The following IL26 variants were observed in gnomAD, a reference collection of about 807,000 sequenced individuals.
IL26 encodes interleukin-26.
A neutral mutation model predicts 21.7 loss-of-function variants in IL26; 23 were observed. The observed-to-expected ratio is 1.06, with a 90% confidence interval of 0.76 to 1.50. The LOEUF is 1.50. Among genes scored for constraint, IL26 ranks in the 40% most tolerant of loss-of-function variants. The pLI, the probability that IL26 is intolerant of heterozygous loss-of-function variation, is 0.00. For missense variants in IL26, 204 were observed against 196.0 expected, an observed-to-expected ratio of 1.04 and a Z score of -0.24; for synonymous variants, 63 against 67.8, an observed-to-expected ratio of 0.93 and a Z score of 0.34.
intron 3 of IL26, 75 bp downstream of exon 3, chr12:68,225,074 G>C (rs1869198710): frequency 1.0e-5 from 15 of 1,459,538 alleles, no homozygotes; most frequent in Non-Finnish European, 1.4e-5. Flanking sequence ...CCTTTGGTGT[G>C]AGACAGATTC....
intron 3 of IL26, among the ~76,000 whole-genome samples, chr12:68,212,975 T>C (rs1303668064): frequency 6.6e-6 from 1 of 152,120 alleles, no homozygotes; most frequent in Non-Finnish European, 1.5e-5. Context: ...TTCCAGATGA[T>C]AGAGGAGAGG....
Position 68,206,334 on chromosome 12 carries a change from G to A in IL26, c.364-4251C>T, listed in dbSNP as rs58526324. Among the ~76,000 whole-genome samples, 677 of 152,140 alleles carry A rather than the reference G, an allele frequency of 4.4e-3. 5 individuals carry two copies. The highest frequency in any genetic ancestry group is 0.015 in the African/African-American group (614 of 41,490). Reference sequence around the variant, plus strand: ...GCCTAAAAGGTCTTTATGACCCCTTGATCTAGAGGCTGAATTAGAGATGTT... The same window carrying A: ...GCCTAAAAGGTCTTTATGACCCCTTAATCTAGAGGCTGAATTAGAGATGTT... On this transcript the variant is annotated intron_variant, in intron 3 of 4. Transcript: ENST00000229134.
At chr12:68,203,617 G>T (rs1868448632) in intron 3 of IL26, among the ~76,000 whole-genome samples, 1 of 152,190 alleles carries the variant, frequency 6.6e-6, no homozygotes. Context: ...TATCAATAAA[G>T]ATAACACTTA....
intron 3 of IL26, among the ~76,000 whole-genome samples, chr12:68,222,126 A>T (rs1299921960): frequency 6.6e-6 from 1 of 152,238 alleles, no homozygotes; most frequent in East Asian, 1.9e-4. Context: ...GAAATAAAAC[A>T]GGTACACTGA....
chr12:68,203,397 T>C (rs926993971), intron 3 of IL26, among the ~76,000 whole-genome samples: 1 of 152,210 alleles, frequency 6.6e-6, no homozygotes, highest in African/African-American at 2.4e-5. Flanking sequence ...ACCAAGGAGA[T>C]TGAATAAGCC....
intron 3 of IL26, among the ~76,000 whole-genome samples, chr12:68,219,910 A>G (rs1020107652): frequency 6.6e-5 from 10 of 152,090 alleles, no homozygotes; most frequent in Non-Finnish European, 1.3e-4. Context: ...CAGATATTAA[A>G]AGCATATTAA....
At chr12:68,204,333 T>C (rs1868473672) in intron 3 of IL26, among the ~76,000 whole-genome samples, 1 of 151,762 alleles carries the variant, frequency 6.6e-6, no homozygotes. Context: ...TTAGTAGAGA[T>C]GGGGTTTCAC....
intron 3 of IL26, among the ~76,000 whole-genome samples, chr12:68,203,462 A>C (rs763962245): frequency 1.2e-4 from 19 of 152,198 alleles, no homozygotes; most frequent in Non-Finnish European, 2.9e-5. Context: ...TAAGTCACTC[A>C]CCTAACATCC....
In IL26 at chr12:68,212,918, C is replaced by T. The variant is rs144887727; in HGVS notation, c.364-10835G>A. Among the ~76,000 whole-genome samples, 92 of 152,172 alleles carry T rather than the reference C, an allele frequency of 6.0e-4. No homozygotes were observed. The East Asian group carries it at 0.017, about 28-fold the overall frequency. On this transcript the variant is annotated intron_variant, in intron 3 of 4. Coordinates refer to ENST00000229134, the MANE Select transcript of IL26 (RefSeq NM_018402.2). ...GATTATTTGCTGTGACTAGGACTTTCAGTATTATGTTGAATAAAAGTGGTG... is the reference window on the plus strand; with the variant it reads ...GATTATTTGCTGTGACTAGGACTTTTAGTATTATGTTGAATAAAAGTGGTG...
At chr12:68,223,776 G>A (rs1010737872) in intron 3 of IL26, among the ~76,000 whole-genome samples, 1 of 150,492 alleles carries the variant, frequency 6.6e-6, no homozygotes, top group African/African-American at 2.4e-5. Context: ...TATCAGTGTT[G>A]TAATTTTAAT....
In IL26 at chr12:68,201,581, T is replaced by A; in HGVS notation, c.*264A>T. The A allele has an allele frequency of 3.1e-6, 1 of 318,024 alleles. No homozygotes were observed. Among genetic ancestry groups the A allele is most frequent in the Non-Finnish European group, 5.8e-6 (1 of 173,688 alleles). 19.7% of individuals were successfully genotyped at this position (318,024 alleles called of 1,614,324 possible). On this transcript the variant is annotated 3_prime_UTR_variant, in exon 5 of 5. Coordinates refer to ENST00000229134, the MANE Select transcript of IL26 (RefSeq NM_018402.2). ...GTTAATTCAGGTTACATACTTTAAA[T>A]TAAGTTGACACAATGTACTTGTGAA...
intron 3 of IL26, among the ~76,000 whole-genome samples, chr12:68,211,421 C>T (rs1250091696): frequency 6.6e-6 from 1 of 152,124 alleles, no homozygotes; most frequent in Non-Finnish European, 1.5e-5. Flanking sequence ...GGATATATAT[C>T]CAGTAGTGAG....
In IL26 at chr12:68,223,219, A is replaced by T. The variant is rs375784074; in HGVS notation, c.363+1930T>A. Among the ~76,000 whole-genome samples the T allele has an allele frequency of 4.6e-5, 7 of 152,226 alleles. No individual in the cohort carries two copies. In the South Asian group the frequency reaches 1.4e-3, roughly 32 times the overall value. Reference sequence around the variant, plus strand: ...AGCTTGTAAGACAACTGATGCTCACACTGATAGGCTTGAGGTGGGAGCAGG... The same window carrying T: ...AGCTTGTAAGACAACTGATGCTCACTCTGATAGGCTTGAGGTGGGAGCAGG... On this transcript the variant is annotated intron_variant, in intron 3 of 4. Coordinates refer to ENST00000229134, the MANE Select transcript of IL26 (RefSeq NM_018402.2).
At chr12:68,217,752 C>G (rs1177388067) in intron 3 of IL26, among the ~76,000 whole-genome samples, 1 of 152,064 alleles carries the variant, frequency 6.6e-6, no homozygotes, top group East Asian at 1.9e-4. Flanking sequence ...GCTAAAACAT[C>G]AAGCTAAATC....
intron 3 of IL26, among the ~76,000 whole-genome samples, chr12:68,218,358 G>A (rs1226662728): frequency 6.6e-6 from 1 of 152,062 alleles, no homozygotes; most frequent in Non-Finnish European, 1.5e-5. Flanking sequence ...GAGAAAGACT[G>A]ATCATGTTCA....
intron 3 of IL26, among the ~76,000 whole-genome samples, chr12:68,218,413 G>A (rs1846334113): frequency 6.6e-6 from 1 of 152,038 alleles, no homozygotes; most frequent in Non-Finnish European, 1.5e-5. Flanking sequence ...CAAACTTCTA[G>A]AGATAAAAAC....
chr12:68,206,271 T>C (rs905678783), intron 3 of IL26, among the ~76,000 whole-genome samples: 2 of 152,218 alleles, frequency 1.3e-5, no homozygotes, highest in East Asian at 3.8e-4. Flanking sequence ...TCTTCCATAT[T>C]GTTGACAATC....
Position 68,225,493 on chromosome 12 carries a change from C to T in IL26, c.179G>A (p.Arg60His), listed in dbSNP as rs751627906. 89 of 1,590,900 alleles carry T rather than the reference C, an allele frequency of 5.6e-5. No individual in the cohort carries two copies. The highest frequency in any genetic ancestry group is 2.9e-4 in the South Asian group (26 of 90,006). Residue 60 changes from arginine (R) to histidine (H), a missense_variant, in exon 2 of 5, where the codon CGC becomes CAC. Physicochemically the swap from Arg to His is conservative, Grantham distance 29. Coordinates refer to ENST00000229134, the MANE Select transcript of IL26 (RefSeq NM_018402.2). Reference sequence around the variant, plus strand: ...TTTTAATAATCGTATATTTTTTATGCGGTCTTCCTACAATAATACAAAGAG... The same window carrying T: ...TTTTAATAATCGTATATTTTTTATGTGGTCTTCCTACAATAATACAAAGAG... ...AWLKATIPED[R>H]IKNIRLLKKK...
At chr12:68,217,835 A>T (rs1868928215) in intron 3 of IL26, among the ~76,000 whole-genome samples, 2 of 152,188 alleles carry the variant, frequency 1.3e-5, no homozygotes, top group Admixed American at 6.5e-5. Flanking sequence ...ACACTATGAA[A>T]ATGCAGTCAG....
Sources: allele counts gnomAD v4.1 joint callset (sites outside exome capture counted in the v4.1 genomes callset), GRCh38; gene constraint gnomAD v4.1.1; transcripts MANE v1.5; gene names NCBI Gene and HGNC (gene_info 2026-07-23, HGNC 2026-07-21).